Variants in PTAR1 observed in about 807,000 individuals in gnomAD.
The protein encoded by PTAR1 is protein prenyltransferase alpha subunit repeat containing 1.
Under a neutral mutation model 45.5 loss-of-function variants are expected in PTAR1, and 17 were observed. The ratio of observed to expected loss-of-function variants is 0.37; its 90% CI spans 0.26 to 0.56. The LOEUF is 0.56. PTAR1 is among the 20% of genes least tolerant of loss of function. PTAR1 has a pLI of 0.77. For synonymous variants in PTAR1, 169 were observed against 171.3 expected (o/e 0.99, Z 0.11); for missense variants, 391 against 476.3 (o/e 0.82, Z 1.67).
intron 2 of PTAR1, among the ~76,000 whole-genome samples, chr9:69,746,401 T>C (rs1401927655): frequency 1.3e-5 from 2 of 152,232 alleles, no homozygotes; most frequent in Non-Finnish European, 1.5e-5. Context: ...GCAAAGCAGA[T>C]GCTCTTTCAC....
At chr9:69,739,561 A>C (rs909584505) in intron 3 of PTAR1, among the ~76,000 whole-genome samples, 2 of 152,182 alleles carry the variant, frequency 1.3e-5, no homozygotes, top group Non-Finnish European at 2.9e-5. Flanking sequence ...CGTCTATTGC[A>C]TTATTCTTTA....
chr9:69,718,172 C>A lies in PTAR1; in HGVS notation c.*170G>T. ...CGATTATTTTATCCCCACAGGAATGCCAGTTATTAACAAAATAAATAAAAT... is the reference window on the plus strand; with the variant it reads ...CGATTATTTTATCCCCACAGGAATGACAGTTATTAACAAAATAAATAAAAT... On this transcript the variant is annotated 3_prime_UTR_variant, in exon 8 of 8. Transcript: ENST00000340434. The A allele has an allele frequency of 1.9e-6, 1 of 529,366 alleles. No individual in the cohort carries two copies. Among genetic ancestry groups the A allele is most frequent in the South Asian group, 3.3e-5 (1 of 30,202 alleles). The allele number at this position is 529,366 out of a possible 1,614,324, so 32.8% of individuals were successfully genotyped here. A position where few individuals can be genotyped will look rare whatever the true frequency, so the allele number is the denominator to read the frequency against.
At chr9:69,721,492 T>A (rs1354577950) in intron 6 of PTAR1, among the ~76,000 whole-genome samples, 2 of 152,196 alleles carry the variant, frequency 1.3e-5, no homozygotes, top group African/African-American at 4.8e-5. Context: ...ATTTAGAGTA[T>A]GACACAAACT....
At chr9:69,734,110 G>T in intron 4 of PTAR1, 40 bp downstream of exon 4, 1 of 1,105,776 alleles carries the variant, frequency 9.0e-7, no homozygotes, top group Non-Finnish European at 1.4e-6. Context: ...CAGCCAGTCT[G>T]AATCCTAAGT....
intron 3 of PTAR1, among the ~76,000 whole-genome samples, chr9:69,736,803 A>C (rs1381219306): frequency 1.3e-5 from 2 of 152,110 alleles, no homozygotes; most frequent in Non-Finnish European, 2.9e-5. Context: ...AAAGAAAAAG[A>C]AAAAAATGGG....
rs1824672359 is a variant in PTAR1 at position 69,714,993 on chromosome 9, G to T, written c.*3349C>A. 6.6e-6 allele frequency: 1 copy of T among 150,922 alleles called. No homozygotes were observed. 9.3% of individuals were successfully genotyped at this position (150,922 alleles called of 1,614,324 possible). On this transcript the variant is annotated 3_prime_UTR_variant, in exon 8 of 8. Transcript: ENST00000340434. ...AGATCAGTAAGTCACTGAAATCAAA[G>T]AATTTCTTCAGATGATTAAAAGCAG... is the stretch of plus-strand genomic sequence containing the variant.
chr9:69,745,013 G>A (rs1826214854), intron 2 of PTAR1, among the ~76,000 whole-genome samples: 1 of 152,134 alleles, frequency 6.6e-6, no homozygotes, highest in Non-Finnish European at 1.5e-5. Flanking sequence ...GAACCTCAGT[G>A]AAACAAGGAC....
intron 5 of PTAR1, among the ~76,000 whole-genome samples, chr9:69,724,742 G>A (rs1338987506): frequency 2.0e-5 from 3 of 152,152 alleles, no homozygotes; most frequent in African/African-American, 7.2e-5. Context: ...AGGGCTTTAA[G>A]ATATTTATTC....
At position 69,718,270 on chromosome 9, in the gene PTAR1, G is replaced by A; in HGVS notation, c.*72C>T. On this transcript the variant is annotated 3_prime_UTR_variant, in exon 8 of 8. Coordinates refer to ENST00000340434, the MANE Select transcript of PTAR1 (RefSeq NM_001099666.2). The stretch of plus-strand genomic sequence containing the variant: ...TAGCCAATAATAGTAAACAGTTCAT[G>A]CAACTATGTAAATAATAAAAGAAAG... 9.5e-7 allele frequency: 1 copy of A among 1,049,254 alleles called. No homozygotes were observed. The highest frequency in any genetic ancestry group is 1.4e-6 in the Non-Finnish European group (1 of 726,604). The allele number at this position is 1,049,254 out of a possible 1,614,324, so 65.0% of individuals were successfully genotyped here.
chr9:69,728,048 C>A (rs1454560596), intron 5 of PTAR1, among the ~76,000 whole-genome samples: 1 of 152,140 alleles, frequency 6.6e-6, no homozygotes, highest in African/African-American at 2.4e-5. Context: ...TGAAATCATA[C>A]AATATGTGGC....
At chr9:69,719,211 C>T (rs1824871675) in intron 6 of PTAR1, among the ~76,000 whole-genome samples, 1 of 152,002 alleles carries the variant, frequency 6.6e-6, no homozygotes, top group African/African-American at 2.4e-5. Context: ...TGAACTTTAC[C>T]CTAAATCCAT....
chr9:69,749,568 A>G (rs1242373629), intron 2 of PTAR1, among the ~76,000 whole-genome samples: 1 of 152,126 alleles, frequency 6.6e-6, no homozygotes, highest in East Asian at 1.9e-4. Flanking sequence ...CAGCCTTCTA[A>G]TAAGAAAATA....
rs60025062 is a variant in PTAR1 at position 69,754,532 on chromosome 9, C to CTTTTTTTT, written c.87-3590_87-3583dup. 5.3e-3 allele frequency among the ~76,000 whole-genome samples: 404 copies of CTTTTTTTT among 76,264 alleles called. 25 individuals carry two copies. Among genetic ancestry groups the CTTTTTTTT allele is most frequent in the African/African-American group, 0.022 (375 of 17,394 alleles). 50.0% of individuals were successfully genotyped at this position (76,264 alleles called of 152,430 possible). A position where few individuals can be genotyped will look rare whatever the true frequency, so the allele number is the denominator to read the frequency against. Reference sequence around the variant, plus strand: ...GCTATTAACATGTTTGGGTATATATCTTTTTTTTTTTTTTTTTTTTTTTCC... The same window carrying CTTTTTTTT: ...GCTATTAACATGTTTGGGTATATATCTTTTTTTTTTTTTTTTTTTTTTTTTTTTTTTCC... On this transcript the variant is annotated intron_variant, in intron 1 of 7. Transcript: ENST00000340434.
Position 69,759,951 on chromosome 9 carries a change from CGCGACAGTTCGG to C in PTAR1, c.-25_-14del, listed in dbSNP as rs1269568018. On this transcript the variant is annotated 5_prime_UTR_variant, in exon 1 of 8. Coordinates refer to ENST00000340434, the MANE Select transcript of PTAR1 (RefSeq NM_001099666.2). ...TGGTCTCGGCCATGTTGGCGGCGGC[CGCGACAGTTCGG>C]GCGCGCCTCCGCGTGAGCCGGGCCG... 6.7e-6 allele frequency: 10 copies of C among 1,487,566 alleles called. No homozygotes were observed. Among genetic ancestry groups the C allele is most frequent in the Non-Finnish European group, 8.1e-6 (9 of 1,116,880 alleles). 92.1% of individuals were successfully genotyped at this position (1,487,566 alleles called of 1,614,324 possible).
At chr9:69,751,717 T>C (rs1826543437) in intron 1 of PTAR1, among the ~76,000 whole-genome samples, 2 of 152,190 alleles carry the variant, frequency 1.3e-5, no homozygotes, top group East Asian at 1.9e-4. Context: ...CGTTATTTTA[T>C]CAGTGAGATT....
chr9:69,749,111 T>C (rs1826409102), intron 2 of PTAR1, among the ~76,000 whole-genome samples: 1 of 152,060 alleles, frequency 6.6e-6, no homozygotes, highest in African/African-American at 2.4e-5. Context: ...AAACTAAAAC[T>C]ATGTGGTAAG....
chr9:69,752,488 A>G (rs1826575487), intron 1 of PTAR1, among the ~76,000 whole-genome samples: 1 of 152,104 alleles, frequency 6.6e-6, no homozygotes, highest in South Asian at 2.1e-4. Flanking sequence ...TTAACTCTCA[A>G]GAAGACTGTG....
intron 5 of PTAR1, 125 bp downstream of exon 5, chr9:69,732,014 C>A (rs73647275): frequency 1.5e-6 from 1 of 657,874 alleles, no homozygotes; most frequent in East Asian, 2.7e-5. Flanking sequence ...GCAGCTGTTG[C>A]GATTCTCTCA....
In PTAR1 at chr9:69,741,809, G is replaced by C. The variant is rs374661579; in HGVS notation, c.306C>G (p.Thr102=). The change falls in exon 3 of 8, where the codon ACC becomes ACG. Residue 102 remains threonine, a synonymous_variant. Coordinates refer to ENST00000340434, the MANE Select transcript of PTAR1 (RefSeq NM_001099666.2). ...TGACATACCTCACGTTCCATGCAGT[G>C]GTAAAGTCTGGGTTTAGAAGCAGCA... ...CTLLLLNPDF[T]TAWNVRKELI... 4.7e-5 allele frequency: 75 copies of C among 1,598,636 alleles called. No homozygotes were observed. The highest frequency in any genetic ancestry group is 3.3e-4 in the Middle Eastern group (2 of 6,066).
Sources: gnomAD v4.1 joint callset for allele counts (sites outside exome capture counted in the v4.1 genomes callset) on GRCh38, gnomAD v4.1.1 for gene constraint, MANE v1.5 for transcripts, NCBI Gene and HGNC (gene_info 2026-07-23, HGNC 2026-07-21) for gene names.